Variants in HOOK2 observed in about 807,000 individuals in gnomAD.
The protein encoded by HOOK2 is protein Hook homolog 2.
A neutral mutation model predicts 111.9 loss-of-function variants in HOOK2; 108 were observed. The observed-to-expected ratio is 0.96, with a 90% confidence interval of 0.83 to 1.13. The LOEUF is 1.13. Ranked by LOEUF, HOOK2 falls within the 50% of genes most tolerant of loss-of-function variation. HOOK2 has a pLI of 0.00. For synonymous variants in HOOK2, 405 were observed against 394.3 expected (o/e 1.03, Z -0.32); for missense variants, 978 against 951.3 (o/e 1.03, Z -0.37).
At position 12,770,992 on chromosome 19, in the gene HOOK2, T is replaced by C; in HGVS notation, c.842A>G (p.Gln281Arg). ...CTCCTGGGCCAGGCTAGTCAGCGCCTGGTTCCGGTGCTGCAGCTCCGCAAC... is the reference window on the plus strand; with the variant it reads ...CTCCTGGGCCAGGCTAGTCAGCGCCCGGTTCCGGTGCTGCAGCTCCGCAAC... ...REVAELQHRN[Q>R]ALTSLAQEAQ... Residue 281 changes from glutamine to arginine, a missense_variant, in exon 10 of 23, where the codon CAG (glutamine) becomes CGG (arginine). Around this residue, in one of 5 missense-constraint regions of HOOK2, gnomAD observed 388 missense variants for 358.3 expected, o/e 1.08. Transcript: ENST00000397668. 6.2e-7 allele frequency: 1 copy of C among 1,612,154 alleles called. No individual in the cohort carries two copies. The highest frequency in any genetic ancestry group is 8.5e-7 in the Non-Finnish European group (1 of 1,179,466).
chr19:12,781,810 G>A (rs563894918), upstream of HOOK2, among the ~76,000 whole-genome samples: 1 of 151,446 alleles, frequency 6.6e-6, no homozygotes, highest in Non-Finnish European at 1.5e-5. Flanking sequence ...AACAAGCCCT[G>A]GTGTGCAAAA....
upstream of HOOK2, among the ~76,000 whole-genome samples, chr19:12,779,188 C>A (rs1341652444): frequency 1.3e-5 from 2 of 152,160 alleles, no homozygotes; most frequent in African/African-American, 4.8e-5. Flanking sequence ...AACAGCTGGG[C>A]CCAGCCTAGG....
rs761710697 is a variant in HOOK2 at position 12,765,738 on chromosome 19, G to A, written c.1606-14C>T. On this transcript the variant is annotated splice_polypyrimidine_tract_variant and intron_variant, in intron 17 of 22. Transcript: ENST00000397668. ...CAGCAAAATGGACTGGGAGAGAGAAGAGGCAAGGTGAGTGGGGGATCCAGA... is the reference window on the plus strand; with the variant it reads ...CAGCAAAATGGACTGGGAGAGAGAAAAGGCAAGGTGAGTGGGGGATCCAGA... The A allele has an allele frequency of 1.9e-6, 3 of 1,614,210 alleles. No individual in the cohort carries two copies. Among genetic ancestry groups the A allele is most frequent in the South Asian group, 1.1e-5 (1 of 91,084 alleles).
rs1324286482 is a variant in HOOK2 at position 12,792,308 on chromosome 19, T to C, written n.42-18083A>G. 5.3e-6 allele frequency: 8 copies of C among 1,504,650 alleles called. No homozygotes were observed. The African/African-American group carries it at 8.4e-5, about 16-fold the overall frequency. 93.2% of individuals were successfully genotyped at this position (1,504,650 alleles called of 1,614,324 possible). ...GCGTCTACGCCGGCCCGGAGCCACCTCCCGTTTACACCAACCTCAGCAGCT... is the reference window on the plus strand; with the variant it reads ...GCGTCTACGCCGGCCCGGAGCCACCCCCCGTTTACACCAACCTCAGCAGCT... On this transcript the variant is annotated intron_variant and non_coding_transcript_variant, in intron 3 of 3. Transcript: ENST00000589765.
Position 12,765,722 on chromosome 19 carries a change from G to A in HOOK2, c.1608C>T (p.Ser536=). ...CCTCCAGCTTCCTTTTCAGCAAAATGGACTGGGAGAGAGAAGAGGCAAGGT... is the reference window on the plus strand; with the variant it reads ...CCTCCAGCTTCCTTTTCAGCAAAATAGACTGGGAGAGAGAAGAGGCAAGGT... ...EQGGKTEDAI[S]ILLKRKLEEH... The change falls in exon 18 of 23, where the codon TCC becomes TCT. Residue 536 remains serine (S), a splice_region_variant and synonymous_variant. Transcript: ENST00000397668. 4 of 1,614,184 alleles carry A rather than the reference G, an allele frequency of 2.5e-6. No individual in the cohort carries two copies. Among genetic ancestry groups the A allele is most frequent in the Non-Finnish European group, 3.4e-6 (4 of 1,180,038 alleles).
chr19:12,771,582 G>A (rs982957873), intron 7 of HOOK2, 105 bp from the exon 8 acceptor site: 2 of 975,808 alleles, frequency 2.0e-6, no homozygotes, highest in Admixed American at 2.1e-5. Context: ...GAAACCCTCA[G>A]GATTGAAAAG....
rs1020427885 is a variant in HOOK2 at position 12,771,239 on chromosome 19, G to C, written c.681C>G (p.Gly227=). 1 of 1,609,564 alleles carries C rather than the reference G, an allele frequency of 6.2e-7. No individual in the cohort carries two copies. Among genetic ancestry groups the C allele is most frequent in the Admixed American group, 1.7e-5 (1 of 59,214 alleles). Residue 227 remains glycine (G), a synonymous_variant, in exon 9 of 23, where the codon GGC becomes GGG. Coordinates refer to ENST00000397668, the MANE Select transcript of HOOK2 (RefSeq NM_013312.3). Reference sequence around the variant, plus strand: ...TGGCAGTGAGACCTGGGGTACCCTCGCCTTCAGGCCGGCCCATCCGCTCCC... The same window carrying C: ...TGGCAGTGAGACCTGGGGTACCCTCCCCTTCAGGCCGGCCCATCCGCTCCC... ...GLRERMGRPE[G]EGTPGLTAKK...
At chr19:12,789,931 C>T (rs921972341) in intron 3 of HOOK2, among the ~76,000 whole-genome samples, 3 of 152,144 alleles carry the variant, frequency 2.0e-5, no homozygotes, top group East Asian at 1.9e-4. Context: ...CAGCGCTGGT[C>T]CCACCTCTTC....
chr19:12,777,055 G>T (rs1288688638), upstream of HOOK2, among the ~76,000 whole-genome samples: 1 of 151,730 alleles, frequency 6.6e-6, no homozygotes, highest in Non-Finnish European at 1.5e-5. Context: ...TACTCGGGAG[G>T]TTGAGGCAGG....
intron 11 of HOOK2, among the ~76,000 whole-genome samples, chr19:12,769,423 G>A (rs1968248938): frequency 6.6e-6 from 1 of 151,972 alleles, no homozygotes. Flanking sequence ...CACCGCACCC[G>A]GTCTTTTTCT....
In HOOK2 at chr19:12,770,973, G is replaced by A. The variant is rs1968310521; in HGVS notation, c.861C>T (p.Ala287=). 6.2e-7 allele frequency: 1 copy of A among 1,610,630 alleles called. No individual in the cohort carries two copies. The highest frequency in any genetic ancestry group is 1.3e-5 in the African/African-American group (1 of 74,830). ...CATCCTTCAGGGCCTGTGCCTCCTG[G>A]GCCAGGCTAGTCAGCGCCTGGTTCC... ...QHRNQALTSL[A]QEAQALKDEM... The change falls in exon 10 of 23, where the codon GCC becomes GCT. Residue 287 remains alanine (A), a synonymous_variant. Coordinates refer to ENST00000397668, the MANE Select transcript of HOOK2 (RefSeq NM_013312.3).
chr19:12,767,347 C>T (rs1568362884), intron 14 of HOOK2, 48 bp downstream of exon 14: 2 of 1,524,230 alleles, frequency 1.3e-6, no homozygotes, highest in South Asian at 2.2e-5. Flanking sequence ...TGAGGGCGGG[C>T]CTTGGCAAGC....
chr19:12,765,983 C>A lies in HOOK2; in HGVS notation c.1543G>T (p.Ala515Ser), dbSNP rs1380551689. 1.1e-5 allele frequency: 17 copies of A among 1,613,894 alleles called. No individual in the cohort carries two copies. The highest frequency in any genetic ancestry group is 1.4e-5 in the Non-Finnish European group (17 of 1,180,026). The stretch of plus-strand genomic sequence containing the variant: ...GCTTTCTGCAGGTCCTCCACCTGGG[C>A]CCGCAGCTCGGATAGCTGCTGCTGG... Reference protein sequence around the residue: ...LNQQQLSELRAQVEDLQKALQ... With the variant: ...LNQQQLSELRSQVEDLQKALQ... The change falls in exon 16 of 23, where the codon GCC (alanine) becomes TCC (serine). Residue 515 changes from alanine to serine, a missense_variant. Transcript: ENST00000397668.
At chr19:12,788,616 C>T (rs1414663249) in intron 3 of HOOK2, among the ~76,000 whole-genome samples, 2 of 151,936 alleles carry the variant, frequency 1.3e-5, no homozygotes, top group Non-Finnish European at 2.9e-5. Context: ...TCTGGCATGG[C>T]CAGCCTCAGC....
At position 12,765,844 on chromosome 19, in the gene HOOK2, G is replaced by A; in HGVS notation, c.1600-10C>T. On this transcript the variant is annotated splice_polypyrimidine_tract_variant and intron_variant, in intron 16 of 22. Transcript: ENST00000397668. ...TGGTACTTACAATGGCCTGTATGGGGCATCGGGCAGCATGGGAGAGAGAGG... is the reference window on the plus strand; with the variant it reads ...TGGTACTTACAATGGCCTGTATGGGACATCGGGCAGCATGGGAGAGAGAGG... 6.2e-7 allele frequency: 1 copy of A among 1,610,796 alleles called. No homozygotes were observed. Among genetic ancestry groups the A allele is most frequent in the Non-Finnish European group, 8.5e-7 (1 of 1,177,258 alleles).
chr19:12,774,695 C>A lies in HOOK2; in HGVS notation c.178G>T (p.Asp60Tyr). 1 of 1,614,210 alleles carries A rather than the reference C, an allele frequency of 6.2e-7. No homozygotes were observed. The highest frequency in any genetic ancestry group is 8.5e-7 in the Non-Finnish European group (1 of 1,180,044). Reference sequence around the variant, plus strand: ...TTCAGCTTCCAGTTGGGACCTGGATCTTCCGAGATGCCCTGGAGCCATGCC... The same window carrying A: ...TTCAGCTTCCAGTTGGGACCTGGATATTCCGAGATGCCCTGGAGCCATGCC... ...NEAWLQGISE[D>Y]PGPNWKLKVS... The change falls in exon 3 of 23, where the codon GAT becomes TAT. Residue 60 changes from aspartate to tyrosine, a missense_variant. Transcript: ENST00000397668.
At chr19:12,779,782 G>A (rs575901040), upstream of HOOK2, among the ~76,000 whole-genome samples, 2 of 152,154 alleles carry the variant, frequency 1.3e-5, no homozygotes, top group South Asian at 4.1e-4. Flanking sequence ...GATTTGATGG[G>A]GGGGAGGGCT....
rs2145803809 is a variant in HOOK2 at position 12,790,433 on chromosome 19, C to A, written n.42-16208G>T. On this transcript the variant is annotated intron_variant and non_coding_transcript_variant, in intron 3 of 3. Coordinates refer to the HOOK2 transcript ENST00000589765. The surrounding 1 kb of genome is among the most constrained non-coding windows in gnomAD (Gnocchi z 7.2). ...TCGGGCTGGGTCCAGGCTCTAGGAG[C>A]CGACACGGTGTTGGGCAAAGCCCAG... Among the ~76,000 whole-genome samples the A allele has an allele frequency of 6.6e-6, 1 of 152,346 alleles. No individual in the cohort carries two copies. Among genetic ancestry groups the A allele is most frequent in the African/African-American group, 2.4e-5 (1 of 41,580 alleles).
Position 12,772,090 on chromosome 19 carries a change from G to A in HOOK2, c.519+100C>T. On this transcript the variant is annotated intron_variant, in intron 7 of 22. Coordinates refer to ENST00000397668, the MANE Select transcript of HOOK2 (RefSeq NM_013312.3). ...AAGTGGGGTCTGGACCTTTAACAAGGTTAAGTCACAAGGTTAATCACAGCA... is the reference window on the plus strand; with the variant it reads ...AAGTGGGGTCTGGACCTTTAACAAGATTAAGTCACAAGGTTAATCACAGCA... 3.3e-6 allele frequency: 3 copies of A among 911,436 alleles called. No individual in the cohort carries two copies. The Admixed American group carries it at 5.7e-5, about 17-fold the overall frequency. The allele number at this position is 911,436 out of a possible 1,614,324, so 56.5% of individuals were successfully genotyped here. A position where few individuals can be genotyped will look rare whatever the true frequency, so the allele number is the denominator to read the frequency against.
Sources: gnomAD v4.1 joint callset for allele counts (sites outside exome capture counted in the v4.1 genomes callset) on GRCh38, gnomAD v4.1.1 for gene constraint, gnomAD v4.1.1 regional missense constraint, Gnocchi (gnomAD v3.1) non-coding constraint, MANE v1.5 for transcripts, NCBI Gene and HGNC (gene_info 2026-07-23, HGNC 2026-07-21) for gene names.